GREB1L: variants seen among roughly 807,000 people sequenced by gnomAD.
The protein encoded by GREB1L is GREB1-like protein.
Under a neutral mutation model 200.8 loss-of-function variants are expected in GREB1L, and 17 were observed. That is an observed-to-expected ratio of 0.08 (90% confidence interval 0.06 to 0.13). GREB1L has a LOEUF of 0.13. GREB1L is among the 10% of genes least tolerant of loss of function. GREB1L has a pLI of 1.00. For missense variants in GREB1L, 1,657 were observed against 2,367.7 expected (o/e 0.70, Z 6.23); for synonymous variants, 789 against 893.0 (o/e 0.88, Z 2.08).
Position 21,331,773 on chromosome 18 carries a change from C to T in GREB1L, c.-119-34254C>T, listed in dbSNP as rs563567152. On this transcript the variant is annotated intron_variant, in intron 1 of 32. Transcript: ENST00000424526. ...TTGTAGTGATATGGCAGAGGAGATA[C>T]GGGCAGTACAACCAAAAATTGTACA... is the stretch of plus-strand genomic sequence containing the variant. Among the ~76,000 whole-genome samples, 94 of 152,156 alleles carry T rather than the reference C, an allele frequency of 6.2e-4. 2 individuals are homozygous for T. The East Asian group carries it at 0.012, about 20-fold the overall frequency.
At chr18:21,335,728 A>G (rs1225828681) in intron 1 of GREB1L, among the ~76,000 whole-genome samples, 2 of 151,344 alleles carry the variant, frequency 1.3e-5, no homozygotes, top group African/African-American at 4.9e-5. Context: ...CAGTGGCTCA[A>G]TCTCGGCTCA....
At chr18:21,381,036 A>G (rs1167713102) in intron 2 of GREB1L, among the ~76,000 whole-genome samples, 1 of 152,138 alleles carries the variant, frequency 6.6e-6, no homozygotes, top group Non-Finnish European at 1.5e-5. Context: ...AGGTCAGGTG[A>G]TCGAGACCAT....
chr18:21,365,131 G>A (rs1567952919), intron 1 of GREB1L, among the ~76,000 whole-genome samples: 1 of 151,452 alleles, frequency 6.6e-6, no homozygotes, highest in South Asian at 2.1e-4. Context: ...TTTCTTTCAA[G>A]TCGGCATAAG....
rs966244559 is a variant in GREB1L at position 21,401,058 on chromosome 18, C to T, written c.533-92C>T. The T allele has an allele frequency of 4.7e-6, 5 of 1,073,782 alleles. No individual in the cohort carries two copies. The African/African-American group carries it at 6.3e-5, about 14-fold the overall frequency. The allele number at this position is 1,073,782 out of a possible 1,614,324, so 66.5% of individuals were successfully genotyped here. A position where few individuals can be genotyped will look rare whatever the true frequency, so the allele number is the denominator to read the frequency against. ...CCTTGAGATTGAGACATTTTTGGGTCAAAGAATGTGAATGTTTCTATGCTG... is the reference window on the plus strand; with the variant it reads ...CCTTGAGATTGAGACATTTTTGGGTTAAAGAATGTGAATGTTTCTATGCTG... On this transcript the variant is annotated intron_variant, in intron 5 of 32. Coordinates refer to ENST00000424526, the MANE Select transcript of GREB1L (RefSeq NM_001142966.3).
chr18:21,278,831 A>G (rs113564979), intron 1 of GREB1L, among the ~76,000 whole-genome samples: 1 of 152,216 alleles, frequency 6.6e-6, no homozygotes, highest in Non-Finnish European at 1.5e-5. Context: ...GATTGTCTTA[A>G]TGTCAATGTT....
intron 1 of GREB1L, among the ~76,000 whole-genome samples, chr18:21,314,191 C>T (rs1200774288): frequency 6.6e-6 from 1 of 152,214 alleles, no homozygotes; most frequent in Non-Finnish European, 1.5e-5. Context: ...GTGGTTCAAA[C>T]TCCAAGTTGC....
intron 15 of GREB1L, among the ~76,000 whole-genome samples, chr18:21,467,763 A>T (rs1462277393): frequency 6.6e-6 from 1 of 152,142 alleles, no homozygotes; most frequent in African/African-American, 2.4e-5. Context: ...AGTGGCTCAC[A>T]CCTGTAATCC....
intron 7 of GREB1L, among the ~76,000 whole-genome samples, chr18:21,434,348 C>T (rs1421704976): frequency 5.9e-5 from 9 of 151,934 alleles, no homozygotes; most frequent in African/African-American, 1.9e-4. Flanking sequence ...TGGTGGCGTG[C>T]ACCTGTAGTC....
chr18:21,299,080 C>T (rs2038575783), intron 1 of GREB1L, among the ~76,000 whole-genome samples: 1 of 151,914 alleles, frequency 6.6e-6, no homozygotes, highest in Admixed American at 6.6e-5. Context: ...GAGTTCGAGA[C>T]CAGCCTGGCC....
chr18:21,473,992 G>A (rs991723259), intron 16 of GREB1L, among the ~76,000 whole-genome samples: 7 of 152,106 alleles, frequency 4.6e-5, no homozygotes, highest in Admixed American at 6.5e-5. Flanking sequence ...GGAAAGACCC[G>A]CCTCCATAAT....
At chr18:21,364,494 AT>A (rs546035639) in intron 1 of GREB1L, among the ~76,000 whole-genome samples, 233 of 152,232 alleles carry the variant, frequency 1.5e-3, no homozygotes, top group African/African-American at 5.5e-3. Flanking sequence ...AAAAAAAATG[AT>A]TTTGTCAAAC....
At chr18:21,260,676 TA>T (rs200615234) in intron 1 of GREB1L, among the ~76,000 whole-genome samples, 30,095 of 151,974 alleles carry the variant, frequency 0.2, 7,108 homozygotes, top group African/African-American at 0.57. Context: ...TAAATCTAAT[TA>T]AAAATAGTTG....
intron 1 of GREB1L, among the ~76,000 whole-genome samples, chr18:21,333,410 C>T (rs1379941298): frequency 6.6e-6 from 1 of 152,098 alleles, no homozygotes; most frequent in Admixed American, 6.5e-5. Context: ...CATGGTGGCT[C>T]ATGCCTGTAA....
chr18:21,286,019 G>A (rs2038350048), intron 1 of GREB1L, among the ~76,000 whole-genome samples: 1 of 151,924 alleles, frequency 6.6e-6, no homozygotes. Flanking sequence ...TTTTGAACTT[G>A]GAATAGGACA....
intron 15 of GREB1L, among the ~76,000 whole-genome samples, chr18:21,461,504 A>G (rs2035045926): frequency 6.6e-6 from 1 of 151,994 alleles, no homozygotes; most frequent in African/African-American, 2.4e-5. Context: ...CCACCCTCAC[A>G]GCACCCTTGC....
At chr18:21,404,359 A>G (rs1189595939) in intron 7 of GREB1L, among the ~76,000 whole-genome samples, 1 of 152,208 alleles carries the variant, frequency 6.6e-6, no homozygotes, top group Non-Finnish European at 1.5e-5. Context: ...TAGGGCTCTA[A>G]CTAAGCCCAC....
chr18:21,247,988 A>G (rs1250221248), intron 1 of GREB1L, among the ~76,000 whole-genome samples: 1 of 152,194 alleles, frequency 6.6e-6, no homozygotes, highest in East Asian at 1.9e-4. Flanking sequence ...AGCGCCCACT[A>G]AAAAAGTATT....
intron 7 of GREB1L, among the ~76,000 whole-genome samples, chr18:21,435,972 A>G (rs2033510123): frequency 6.6e-6 from 1 of 152,184 alleles, no homozygotes; most frequent in South Asian, 2.1e-4. Flanking sequence ...GTTGCAGAAG[A>G]GAGGACAAAT....
At chr18:21,340,656 C>T (rs1199709597) in intron 1 of GREB1L, among the ~76,000 whole-genome samples, 1 of 151,836 alleles carries the variant, frequency 6.6e-6, no homozygotes, top group African/African-American at 2.4e-5. Flanking sequence ...GATTCTCCTG[C>T]CTCAGCCTCC....
Sources: gnomAD v4.1 joint callset for allele counts (sites outside exome capture counted in the v4.1 genomes callset) on GRCh38, gnomAD v4.1.1 for gene constraint, MANE v1.5 for transcripts, NCBI Gene and HGNC (gene_info 2026-07-23, HGNC 2026-07-21) for gene names.